The following MACROD2 variants were observed in gnomAD, a reference collection of about 807,000 sequenced individuals.
MACROD2 encodes ADP-ribose glycohydrolase MACROD2.
MACROD2 carries 36 observed loss-of-function variants against 70.4 expected under a neutral mutation model. The ratio of observed to expected loss-of-function variants is 0.51; its 90% CI spans 0.39 to 0.68. The LOEUF is 0.68. Ranked by LOEUF, MACROD2 falls within the 30% of genes least tolerant of loss-of-function variation. The pLI is 0.00. For synonymous variants in MACROD2, 172 were observed against 178.8 expected, an observed-to-expected ratio of 0.96 and a Z score of 0.30; for missense variants, 496 against 538.4, an observed-to-expected ratio of 0.92 and a Z score of 0.78.
At chr20:14,943,325 A>T (rs1051609468) in intron 5 of MACROD2, among the ~76,000 whole-genome samples, 15 of 152,144 alleles carry the variant, frequency 9.9e-5, no homozygotes, top group African/African-American at 3.6e-4. Context: ...GTTGAGCAAC[A>T]TACCTTTTTT....
At chr20:15,177,172 G>A (rs963997622) in intron 5 of MACROD2, among the ~76,000 whole-genome samples, 5 of 152,192 alleles carry the variant, frequency 3.3e-5, no homozygotes, top group African/African-American at 1.2e-4. Flanking sequence ...GCTGAGTGCA[G>A]CCTGCTGGGC....
chr20:14,325,744 T>A (rs2082721944), intron 3 of MACROD2: 1 of 1,613,818 alleles, frequency 6.2e-7, no homozygotes. Context: ...TTCCCTGATT[T>A]CCAGGATAGA....
intron 8 of MACROD2, among the ~76,000 whole-genome samples, chr20:15,823,877 C>T (rs2063968259): frequency 6.6e-6 from 1 of 152,180 alleles, no homozygotes; most frequent in Non-Finnish European, 1.5e-5. Flanking sequence ...ATTACACTGG[C>T]CATGGATGAC....
intron 5 of MACROD2, among the ~76,000 whole-genome samples, chr20:14,866,721 T>G (rs1346047271): frequency 4.6e-5 from 7 of 152,262 alleles, no homozygotes; most frequent in African/African-American, 1.7e-4. Context: ...TTTCAGTGTT[T>G]GCTTTTCAAT....
At chr20:14,020,091 C>T (rs2053053630) in intron 2 of MACROD2, among the ~76,000 whole-genome samples, 1 of 152,190 alleles carries the variant, frequency 6.6e-6, no homozygotes, top group African/African-American at 2.4e-5. Context: ...CTCCTGGATA[C>T]ACCAATCAGG....
At chr20:15,428,978 G>C (rs964818864) in intron 6 of MACROD2, among the ~76,000 whole-genome samples, 2 of 152,114 alleles carry the variant, frequency 1.3e-5, no homozygotes, top group Non-Finnish European at 2.9e-5. Flanking sequence ...TGGGGCTCAA[G>C]CTGTAAACTC....
intron 5 of MACROD2, among the ~76,000 whole-genome samples, chr20:14,844,047 ATC>A (rs1285275638): frequency 6.6e-6 from 1 of 152,018 alleles, no homozygotes; most frequent in Non-Finnish European, 1.5e-5. Context: ...TCACATAGAT[ATC>A]TCAGTGCATA....
chr20:15,197,600 T>A (rs944385342), intron 5 of MACROD2, among the ~76,000 whole-genome samples: 4 of 152,240 alleles, frequency 2.6e-5, no homozygotes, highest in Non-Finnish European at 4.4e-5. Context: ...TCACTTTTTT[T>A]AAGTGATTAT....
intron 10 of MACROD2, among the ~76,000 whole-genome samples, chr20:15,930,759 G>A (rs2065564187): frequency 6.6e-6 from 1 of 152,182 alleles, no homozygotes; most frequent in South Asian, 2.1e-4. Context: ...GGAACTAAGG[G>A]TAAAAACCCA....
intron 5 of MACROD2, among the ~76,000 whole-genome samples, chr20:15,068,044 C>T (rs1426678928): frequency 6.6e-6 from 1 of 152,108 alleles, no homozygotes; most frequent in Non-Finnish European, 1.5e-5. Context: ...TCTTCCTTAG[C>T]AATTTTTTTA....
At chr20:15,894,883 G>A (rs2064946381) in intron 10 of MACROD2, among the ~76,000 whole-genome samples, 1 of 152,228 alleles carries the variant, frequency 6.6e-6, no homozygotes, top group Admixed American at 6.5e-5. Context: ...TTACTGCCTG[G>A]TTGGGAGAGT....
At chr20:15,374,366 T>C (rs1213229044) in intron 6 of MACROD2, among the ~76,000 whole-genome samples, 1 of 152,062 alleles carries the variant, frequency 6.6e-6, no homozygotes. Context: ...ATCACTGATA[T>C]GTATATATAA....
intron 5 of MACROD2, among the ~76,000 whole-genome samples, chr20:14,704,511 G>T (rs1247413681): frequency 6.6e-6 from 1 of 152,018 alleles, no homozygotes; most frequent in African/African-American, 2.4e-5. Context: ...TCTACTTCTG[G>T]CCATTGTATT....
chr20:14,871,661 A>G (rs1464221370), intron 5 of MACROD2, among the ~76,000 whole-genome samples: 3 of 152,154 alleles, frequency 2.0e-5, no homozygotes, highest in Non-Finnish European at 1.5e-5. Flanking sequence ...GATCAAATAT[A>G]TACATGTGAA....
At chr20:15,475,014 G>GAAA (rs35460927) in intron 7 of MACROD2, among the ~76,000 whole-genome samples, 1 of 147,832 alleles carries the variant, frequency 6.8e-6, no homozygotes. Flanking sequence ...AAAATATTCA[G>GAAA]AAAAAAAAAA....
intron 8 of MACROD2, among the ~76,000 whole-genome samples, chr20:15,599,752 C>T (rs146377142): frequency 1.9e-3 from 285 of 152,210 alleles, no homozygotes; most frequent in Middle Eastern, 6.8e-3. Context: ...CACAGAAACA[C>T]GCAAATGCAT....
At chr20:14,049,969 A>G (rs1405972951) in intron 2 of MACROD2, among the ~76,000 whole-genome samples, 2 of 151,598 alleles carry the variant, frequency 1.3e-5, no homozygotes, top group African/African-American at 4.9e-5. Flanking sequence ...CTATAATCCC[A>G]GCTACTCAGG....
intron 5 of MACROD2, among the ~76,000 whole-genome samples, chr20:14,890,767 A>AT (rs900564293): frequency 1.3e-4 from 9 of 69,374 alleles, no homozygotes; most frequent in South Asian, 5.9e-4. Flanking sequence ...AGAAAAAAAA[A>AT]AATAATAAAA....
rs547783118 is a variant in MACROD2, at chr20:15,979,026, C to CA, written c.986-7695dup. Among the ~76,000 whole-genome samples, 197 of 152,176 alleles carry CA rather than the reference C, an allele frequency of 1.3e-3. 1 individual carries two copies. The highest frequency in any genetic ancestry group is 4.6e-3 in the African/African-American group (191 of 41,524). Reference sequence around the variant, plus strand: ...GAGCTCAGGAGGAGTGGATATCACACAAAAAACATAATTTTTCCCTTATCC... The same window carrying CA: ...GAGCTCAGGAGGAGTGGATATCACACAAAAAAACATAATTTTTCCCTTATCC... On this transcript the variant is annotated intron_variant, in intron 13 of 17. Transcript: ENST00000684519.
Sources: gnomAD v4.1 joint callset for allele counts (sites outside exome capture counted in the v4.1 genomes callset) on GRCh38, gnomAD v4.1.1 for gene constraint, MANE v1.5 for transcripts, NCBI Gene and HGNC (gene_info 2026-07-23, HGNC 2026-07-21) for gene names.